The following DOCK5 variants were observed in gnomAD, a reference collection of about 807,000 sequenced individuals.
DOCK5 encodes dedicator of cytokinesis 5, also known as dedicator of cytokinesis protein 5.
Under a neutral mutation model 251.8 loss-of-function variants are expected in DOCK5, and 142 were observed. The observed-to-expected ratio is 0.56, with a 90% CI of 0.49 to 0.65. DOCK5 has a LOEUF of 0.65. DOCK5 is among the 30% of genes least tolerant of loss of function. DOCK5 has a pLI of 0.00. For missense variants in DOCK5, 2,111 were observed against 2,312.3 expected (o/e 0.91, Z 1.79); for synonymous variants, 842 against 835.5 (o/e 1.01, Z -0.13).
intron 2 of DOCK5, among the ~76,000 whole-genome samples, chr8:25,254,528 C>T (rs1295014399): frequency 1.3e-5 from 2 of 151,920 alleles, no homozygotes; most frequent in Non-Finnish European, 2.9e-5. Context: ...GTAATCTCAG[C>T]ATTTTGGGAG....
Position 25,184,836 on chromosome 8 carries a change from G to C in DOCK5, c.-73G>C. 1.6e-6 allele frequency: 2 copies of C among 1,243,216 alleles called. No individual in the cohort carries two copies. The highest frequency in any genetic ancestry group is 2.0e-6 in the Non-Finnish European group (2 of 978,504). 77.0% of individuals were successfully genotyped at this position (1,243,216 alleles called of 1,614,324 possible). On this transcript the variant is annotated 5_prime_UTR_variant, in exon 1 of 52. Transcript: ENST00000276440. ...AAGCGTCTGGGGCACGCAGGAGCGC[G>C]GGGCGGCGGCGGCCGGAGCCCGAGG...
chr8:25,374,292 A>C (rs919702490), intron 36 of DOCK5, among the ~76,000 whole-genome samples: 1 of 152,080 alleles, frequency 6.6e-6, no homozygotes, highest in Non-Finnish European at 1.5e-5. Flanking sequence ...TGAGCTGAAC[A>C]CTAAATCAAC....
intron 28 of DOCK5, among the ~76,000 whole-genome samples, chr8:25,359,433 G>A (rs1004783288): frequency 6.6e-6 from 1 of 152,182 alleles, no homozygotes; most frequent in African/African-American, 2.4e-5. Flanking sequence ...CTCCTAAGAC[G>A]TGGTTGATAC....
At chr8:25,337,400 C>T (rs771351445) in intron 22 of DOCK5, among the ~76,000 whole-genome samples, 62 of 150,586 alleles carry the variant, frequency 4.1e-4, no homozygotes, top group Non-Finnish European at 8.0e-4. Flanking sequence ...TGAATAAAAA[C>T]AAAAAAGAAG....
chr8:25,233,970 A>G (rs1342099421), intron 1 of DOCK5, among the ~76,000 whole-genome samples: 1 of 152,162 alleles, frequency 6.6e-6, no homozygotes, highest in Non-Finnish European at 1.5e-5. Flanking sequence ...GTATATAAAT[A>G]CCCAGGAAGT....
intron 2 of DOCK5, among the ~76,000 whole-genome samples, chr8:25,250,456 T>C (rs1803237061): frequency 2.6e-5 from 4 of 152,240 alleles, no homozygotes; most frequent in Admixed American, 2.0e-4. Context: ...CTTCTTTTAC[T>C]GTGGAATGTA....
At chr8:25,280,496 C>G (rs1239890888) in intron 5 of DOCK5, among the ~76,000 whole-genome samples, 1 of 152,168 alleles carries the variant, frequency 6.6e-6, no homozygotes, top group African/African-American at 2.4e-5. Context: ...CAGTAGAAAT[C>G]ACCAACCCCT....
intron 18 of DOCK5, among the ~76,000 whole-genome samples, chr8:25,326,998 G>A (rs929632334): frequency 3.9e-5 from 6 of 152,166 alleles, no homozygotes; most frequent in Admixed American, 1.3e-4. Context: ...CAACCTGCAG[G>A]CAGATTGCCT....
chr8:25,408,064 C>A lies in DOCK5; in HGVS notation c.5175C>A (p.Ser1725Arg). The A allele has an allele frequency of 6.2e-7, 1 of 1,608,490 alleles. No homozygotes were observed. The highest frequency in any genetic ancestry group is 8.5e-7 in the Non-Finnish European group (1 of 1,177,432). ...VEDLSLREEN[S>R]ENRISKFKRK... ...ATCTGTCCCTTAGAGAGGAGAACAG[C>A]GAGAACCGGATCAGCAAGTTTAAGA... Residue 1725 changes from serine to arginine, a missense_variant, in exon 49 of 52, where the codon AGC (serine) becomes AGA (arginine). Transcript: ENST00000276440.
chr8:25,339,157 G>A (rs1285969748), intron 22 of DOCK5, among the ~76,000 whole-genome samples: 1 of 152,132 alleles, frequency 6.6e-6, no homozygotes, highest in Non-Finnish European at 1.5e-5. Flanking sequence ...GGCTGCAGTG[G>A]AATGTCACCT....
At chr8:25,284,660 G>A (rs1387677687) in intron 5 of DOCK5, among the ~76,000 whole-genome samples, 2 of 152,218 alleles carry the variant, frequency 1.3e-5, no homozygotes, top group African/African-American at 4.8e-5. Context: ...GTGGAATCAG[G>A]GCAGATCCCC....
chr8:25,219,088 G>C (rs79621495), intron 1 of DOCK5, among the ~76,000 whole-genome samples: 137 of 152,110 alleles, frequency 9.0e-4, no homozygotes, highest in African/African-American at 3.2e-3. Flanking sequence ...ACTGACTTCC[G>C]CTATCTGTTG....
At chr8:25,320,846 G>T in intron 15 of DOCK5, 134 bp from the exon 16 acceptor site, 3 of 707,022 alleles carry the variant, frequency 4.2e-6, no homozygotes, top group South Asian at 3.7e-5. Flanking sequence ...TCCTTTGAAT[G>T]AAACCTATAC....
At position 25,319,605 on chromosome 8, in the gene DOCK5, G is replaced by A. The variant is rs761151277; in HGVS notation, c.1471G>A (p.Glu491Lys). ...EKAIHPGAGY[E>K]GISEYKSVVY... Reference sequence around the variant, plus strand: ...AGCAATTCACCCTGGTGCTGGATATGAAGGCATTTCAGAATACAAATCAGT... The same window carrying A: ...AGCAATTCACCCTGGTGCTGGATATAAAGGCATTTCAGAATACAAATCAGT... The change falls in exon 15 of 52, where the codon GAA becomes AAA. Residue 491 changes from glutamate (E) to lysine (K), a missense_variant. By Grantham distance (56) the Glu-to-Lys change is moderately conservative. Transcript: ENST00000276440. 63 of 1,587,940 alleles carry A rather than the reference G, an allele frequency of 4.0e-5. 1 individual carries two copies. The South Asian group carries it at 6.9e-4, about 17-fold the overall frequency.
At chr8:25,246,842 G>A (rs1342134040) in intron 2 of DOCK5, among the ~76,000 whole-genome samples, 1 of 151,626 alleles carries the variant, frequency 6.6e-6, no homozygotes, top group East Asian at 1.9e-4. Context: ...TGGGAGGGAA[G>A]AATGGAGACT....
chr8:25,278,461 C>G, intron 4 of DOCK5, 108 bp from the exon 5 acceptor site: 1 of 1,055,172 alleles, frequency 9.5e-7, no homozygotes, highest in Non-Finnish European at 1.4e-6. Flanking sequence ...TGCCCCCAGG[C>G]CTAACCAGCT....
In DOCK5 at chr8:25,334,712, T is replaced by TA. The variant is rs551681119; in HGVS notation, c.2192+532dup. Among the ~76,000 whole-genome samples the TA allele has an allele frequency of 8.4e-3, 1,060 of 126,720 alleles. 9 individuals carry two copies. The highest frequency in any genetic ancestry group is 0.043 in the East Asian group (188 of 4,362). The allele number at this position is 126,720 out of a possible 152,430, so 83.1% of individuals were successfully genotyped here. A position where few individuals can be genotyped will look rare whatever the true frequency, so the allele number is the denominator to read the frequency against. On this transcript the variant is annotated intron_variant, in intron 21 of 51. Transcript: ENST00000276440. ...AAGTGACAGAGCAAGACTTAGTATC[T>TA]AAAAAAAAAAAAAAAATCGAGCAAA...
chr8:25,350,279 G>A (rs1418072992), intron 26 of DOCK5, among the ~76,000 whole-genome samples: 1 of 152,112 alleles, frequency 6.6e-6, no homozygotes, highest in Non-Finnish European at 1.5e-5. Context: ...GTTATTTGAA[G>A]CATTAAGCAG....
Position 25,366,973 on chromosome 8 carries a change from A to G in DOCK5, c.3224+3A>G. The G allele has an allele frequency of 6.2e-7, 1 of 1,612,448 alleles. No individual in the cohort carries two copies. Among genetic ancestry groups the G allele is most frequent in the Non-Finnish European group, 8.5e-7 (1 of 1,178,616 alleles). The stretch of plus-strand genomic sequence containing the variant: ...AAGCGCAACAAAATTGTTAAAAAGT[A>G]AGTGTCCTTTTAAAGTTAAGATCGG... On this transcript the variant is annotated splice_donor_region_variant and intron_variant, in intron 31 of 51. Transcript: ENST00000276440.
Sources: allele counts gnomAD v4.1 joint callset (sites outside exome capture counted in the v4.1 genomes callset), GRCh38; gene constraint gnomAD v4.1.1; transcripts MANE v1.5; gene names NCBI Gene and HGNC (gene_info 2026-07-23, HGNC 2026-07-21).